The following DNAJB6 variants were observed in gnomAD, a reference collection of about 807,000 sequenced individuals.
DNAJB6 encodes dnaJ homolog subfamily B member 6.
DNAJB6 carries 16 observed loss-of-function variants against 42.7 expected under a neutral mutation model. The ratio of observed to expected loss-of-function variants is 0.37; its 90% CI spans 0.25 to 0.57. The LOEUF (loss-of-function observed/expected upper bound fraction) is 0.57, where lower values mean the gene tolerates loss of function less well. Among genes scored for constraint, DNAJB6 ranks in the 20% least tolerant of loss-of-function variants. The pLI is 0.74. For synonymous variants in DNAJB6, 170 were observed against 163.5 expected, an observed-to-expected ratio of 1.04 and a Z score of -0.30; for missense variants, 347 against 416.8, an observed-to-expected ratio of 0.83 and a Z score of 1.46.
chr7:157,385,024 G>C lies in DNAJB6; in HGVS notation c.620+16G>C, dbSNP rs369877691. 1.9e-6 allele frequency: 3 copies of C among 1,607,698 alleles called. No homozygotes were observed. The African/African-American group carries it at 4.0e-5, about 22-fold the overall frequency. On this transcript the variant is annotated intron_variant, in intron 7 of 9. Transcript: ENST00000262177. ...CTACAAAGAGGTACTGTGGTATTCTGCATTTTATATTTTTAGTAAGCAGGC... is the reference window on the plus strand; with the variant it reads ...CTACAAAGAGGTACTGTGGTATTCTCCATTTTATATTTTTAGTAAGCAGGC...
rs79542745 is a variant in DNAJB6, at chr7:157,394,268, G to A, written c.691+8657G>A. ...ATGACATCTATTTTTTGGAAGGAAGGGTTAAGAAACAGCAGATGTTGCCTT... is the reference window on the plus strand; with the variant it reads ...ATGACATCTATTTTTTGGAAGGAAGAGTTAAGAAACAGCAGATGTTGCCTT... On this transcript the variant is annotated intron_variant, in intron 8 of 9. Coordinates refer to ENST00000262177, the MANE Select transcript of DNAJB6 (RefSeq NM_058246.4). 8.8e-3 allele frequency among the ~76,000 whole-genome samples: 1,342 copies of A among 152,256 alleles called. 23 individuals are homozygous for A. The highest frequency in any genetic ancestry group is 0.031 in the African/African-American group (1,293 of 41,566).
Position 157,358,492 on chromosome 7 carries a change from C to T in DNAJB6, c.-26-55C>T, listed in dbSNP as rs188726545. ...TCCCTCTCCAGACCCATCCCACCAC[C>T]GTGATTTGCCCATCCCCAGCAGCCT... On this transcript the variant is annotated intron_variant, in intron 1 of 9. Transcript: ENST00000262177. 7.6e-4 allele frequency: 887 copies of T among 1,168,258 alleles called. 4 individuals carry two copies. The African/African-American group carries it at 0.011, about 14-fold the overall frequency. 72.4% of individuals were successfully genotyped at this position (1,168,258 alleles called of 1,614,324 possible).
intron 5 of DNAJB6, chr7:157,368,890 G>A (rs3757825): frequency 0.021 from 4,309 of 203,708 alleles, 57 homozygotes; most frequent in East Asian, 0.054. Context: ...GGGGAGAAAC[G>A]TGGAGCTCCT....
intron 8 of DNAJB6, 126 bp from the exon 9 acceptor site, chr7:157,409,669 C>G (rs1156282729): frequency 1.8e-6 from 2 of 1,098,064 alleles, no homozygotes; most frequent in African/African-American, 1.6e-5. Context: ...TAACCTCTTT[C>G]TCCTGCCCGG....
chr7:157,353,930 C>T (rs777372541), intron 1 of DNAJB6, among the ~76,000 whole-genome samples: 9 of 152,100 alleles, frequency 5.9e-5, no homozygotes, highest in Non-Finnish European at 1.3e-4. Flanking sequence ...TCCCAAAGTG[C>T]TGGAATTATA....
intron 8 of DNAJB6, among the ~76,000 whole-genome samples, chr7:157,400,396 G>C (rs11761808): frequency 0.49 from 74,204 of 151,654 alleles, 18,787 homozygotes; most frequent in African/African-American, 0.63. Context: ...GATGCTTGCT[G>C]TGCAGCAGGC....
At chr7:157,386,320 C>A in intron 8 of DNAJB6, 1 of 984,360 alleles carries the variant, frequency 1.0e-6, no homozygotes, top group Non-Finnish European at 1.2e-6. Context: ...TGAGTGGGAT[C>A]TGGAGCTTTT....
chr7:157,369,311 C>G (rs1469562186), intron 5 of DNAJB6: 2 of 456,576 alleles, frequency 4.4e-6, no homozygotes, highest in South Asian at 1.5e-5. Flanking sequence ...TAAAAATGAC[C>G]TTTGCATCTT....
chr7:157,345,991 G>A (rs890257297), intron 1 of DNAJB6, among the ~76,000 whole-genome samples: 4 of 151,836 alleles, frequency 2.6e-5, no homozygotes, highest in Non-Finnish European at 5.9e-5. Flanking sequence ...GCTCTCGCTG[G>A]GCAGGGAAGG....
At chr7:157,407,230 G>C (rs1037159163) in intron 8 of DNAJB6, among the ~76,000 whole-genome samples, 1 of 152,222 alleles carries the variant, frequency 6.6e-6, no homozygotes, top group Non-Finnish European at 1.5e-5. Context: ...CGCGTGGAGT[G>C]GGGCGAGTGA....
chr7:157,358,338 A>G (rs149579421), intron 1 of DNAJB6, among the ~76,000 whole-genome samples: 1 of 152,300 alleles, frequency 6.6e-6, no homozygotes, highest in African/African-American at 2.4e-5. Context: ...CCCCGTCTCT[A>G]GAAGGGTCTT....
intron 5 of DNAJB6, among the ~76,000 whole-genome samples, chr7:157,368,073 C>CA (rs1199719792): frequency 6.6e-6 from 1 of 152,066 alleles, no homozygotes; most frequent in Non-Finnish European, 1.5e-5. Context: ...GAGATTGGGC[C>CA]ACTGCACTCC....
Position 157,369,702 on chromosome 7 carries a change from G to A in DNAJB6, c.346+2219G>A, listed in dbSNP as rs570475377. ...TATTATTAAACAGGCCTTTCATAAC[G>A]TTATTATTAAACGGGCCCCTTCTTC... On this transcript the variant is annotated intron_variant, in intron 5 of 9. Transcript: ENST00000262177. Among the ~76,000 whole-genome samples, 452 of 135,606 alleles carry A rather than the reference G, an allele frequency of 3.3e-3. 15 individuals are homozygous for A. The highest frequency in any genetic ancestry group is 0.012 in the African/African-American group (398 of 32,672). 89.0% of individuals were successfully genotyped at this position (135,606 alleles called of 152,430 possible).
chr7:157,403,574 C>T (rs938301255), intron 8 of DNAJB6, among the ~76,000 whole-genome samples: 25 of 152,282 alleles, frequency 1.6e-4, no homozygotes, highest in East Asian at 1.2e-3. Flanking sequence ...TCACGTAAAG[C>T]GATCCTCCCA....
intron 3 of DNAJB6, among the ~76,000 whole-genome samples, chr7:157,363,986 G>A (rs983872708): frequency 1.3e-5 from 2 of 152,200 alleles, no homozygotes; most frequent in Non-Finnish European, 2.9e-5. Flanking sequence ...CCTGTTGTGA[G>A]CAAAGGCCGA....
rs147807302 is a variant in DNAJB6, at chr7:157,376,273, TA to T, written c.347-5972del. On this transcript the variant is annotated intron_variant, in intron 5 of 9. Transcript: ENST00000262177. ...TCTCACACTGTTCATTGTATATATA[TA>T]TTTTTTGGTCATAAATTTGTGACTG... 5.3e-3 allele frequency among the ~76,000 whole-genome samples: 810 copies of T among 152,324 alleles called. 6 individuals are homozygous for T. The highest frequency in any genetic ancestry group is 0.019 in the African/African-American group (774 of 41,570).
At chr7:157,407,220 C>T (rs904963626) in intron 8 of DNAJB6, among the ~76,000 whole-genome samples, 6 of 152,218 alleles carry the variant, frequency 3.9e-5, no homozygotes, top group South Asian at 2.1e-4. Context: ...ATTTTCCCTC[C>T]GCGTGGAGTG....
intron 8 of DNAJB6, among the ~76,000 whole-genome samples, chr7:157,386,551 A>G (rs1012185021): frequency 1.8e-4 from 28 of 151,954 alleles, no homozygotes; most frequent in South Asian, 1.7e-3. Flanking sequence ...CCATTGTATA[A>G]TTTTTCACTC....
At chr7:157,342,621 T>C (rs1336030349) in intron 1 of DNAJB6, among the ~76,000 whole-genome samples, 1 of 152,076 alleles carries the variant, frequency 6.6e-6, no homozygotes, top group African/African-American at 2.4e-5. Context: ...CGTGCTGGCC[T>C]AACTTCTATA....
Sources: gnomAD v4.1 joint callset for allele counts (sites outside exome capture counted in the v4.1 genomes callset) on GRCh38, gnomAD v4.1.1 for gene constraint, MANE v1.5 for transcripts, NCBI Gene and HGNC (gene_info 2026-07-23, HGNC 2026-07-21) for gene names.